Variants in PRDM2 observed in about 807,000 individuals in gnomAD.
PRDM2 encodes PR domain zinc finger protein 2.
PRDM2 carries 30 observed loss-of-function variants against 130.0 expected under a neutral mutation model. That is an observed-to-expected ratio of 0.23 (90% confidence interval 0.17 to 0.31). The LOEUF (loss-of-function observed/expected upper bound fraction) is 0.31, where lower values mean the gene tolerates loss of function less well. Ranked by LOEUF, PRDM2 falls within the 10% of genes least tolerant of loss-of-function variation. The pLI is 1.00. For synonymous variants in PRDM2, 871 were observed against 782.4 expected (o/e 1.11, Z -1.89); for missense variants, 2,011 against 2,108.4 (o/e 0.95, Z 0.90).
intron 9 of PRDM2, among the ~76,000 whole-genome samples, chr1:13,822,938 G>A (rs553803245): frequency 6.6e-6 from 1 of 152,320 alleles, no homozygotes; most frequent in South Asian, 2.1e-4. Context: ...TCACGGGTCA[G>A]GGGCTGATGG....
In PRDM2 at chr1:13,773,044, A is replaced by T. The variant is rs537350697; in HGVS notation, c.512-34A>T. On this transcript the variant is annotated intron_variant, in intron 6 of 9. Transcript: ENST00000311066. The stretch of plus-strand genomic sequence containing the variant: ...GAATGAATGAATAAATAAAAAAAAA[A>T]TGAATGAATAAATTAAAAAAAATTG... The T allele has an allele frequency of 2.1e-5, 26 of 1,216,238 alleles. No individual in the cohort carries two copies. In the South Asian group the frequency reaches 4.2e-4, roughly 20 times the overall value. The allele number at this position is 1,216,238 out of a possible 1,614,324, so 75.3% of individuals were successfully genotyped here.
chr1:13,751,828 T>G (rs1643852699), intron 6 of PRDM2, among the ~76,000 whole-genome samples: 1 of 152,204 alleles, frequency 6.6e-6, no homozygotes, highest in Non-Finnish European at 1.5e-5. Context: ...AGCTGTGCAT[T>G]GCATGTGGTG....
At chr1:13,722,768 C>T in intron 2 of PRDM2, 2 of 491,472 alleles carry the variant, frequency 4.1e-6, no homozygotes, top group Non-Finnish European at 8.1e-6. Context: ...ATTTTCTTTG[C>T]TTCTCTTGAA....
intron 7 of PRDM2, among the ~76,000 whole-genome samples, chr1:13,777,015 A>G (rs780607858): frequency 9.2e-5 from 14 of 152,172 alleles, no homozygotes; most frequent in Admixed American, 3.9e-4. Context: ...TTGGATGTCT[A>G]TAATCAGGTA....
intron 4 of PRDM2, among the ~76,000 whole-genome samples, chr1:13,736,329 G>T (rs918930558): frequency 3.3e-5 from 5 of 151,896 alleles, no homozygotes; most frequent in Admixed American, 6.6e-5. Flanking sequence ...GCCCAGGCTG[G>T]TCTTGAACTC....
At chr1:13,814,119 A>C (rs997890794) in intron 8 of PRDM2, among the ~76,000 whole-genome samples, 1 of 152,330 alleles carries the variant, frequency 6.6e-6, no homozygotes, top group East Asian at 1.9e-4. Flanking sequence ...AACAGGACAC[A>C]GGAGTCCATG....
rs552927762 is a variant in PRDM2 at position 13,726,399 on chromosome 1, T to C, written c.10-4601T>C. ...AGGTCAAAACTCGTGAATCAAAATC[T>C]GTCCAAGGTTTCTTGTCTCAGGGAG... On this transcript the variant is annotated intron_variant, in intron 2 of 9. Transcript: ENST00000311066. Among the ~76,000 whole-genome samples, 4 of 152,288 alleles carry C rather than the reference T, an allele frequency of 2.6e-5. No homozygotes were observed. In the South Asian group the frequency reaches 6.2e-4, roughly 24 times the overall value.
chr1:13,765,867 G>A lies in PRDM2; in HGVS notation c.512-7211G>A, dbSNP rs543748670. ...GATTGTAATTTTTAAAAATTTTATA[G>A]GAGTCATTTAACATGTACTTTATAC... On this transcript the variant is annotated intron_variant, in intron 6 of 9. Transcript: ENST00000311066. Among the ~76,000 whole-genome samples, 3 of 152,178 alleles carry A rather than the reference G, an allele frequency of 2.0e-5. No homozygotes were observed. In the East Asian group the frequency reaches 5.8e-4, roughly 29 times the overall value.
At chr1:13,749,184 G>C (rs1643714725) in intron 5 of PRDM2, among the ~76,000 whole-genome samples, 177 bp from the exon 6 acceptor site, 1 of 151,450 alleles carries the variant, frequency 6.6e-6, no homozygotes, top group Non-Finnish European at 1.5e-5. Context: ...AGAGGGTTCC[G>C]GGCGCCGGCG....
At chr1:13,711,904 A>T (rs545115240) in intron 1 of PRDM2, among the ~76,000 whole-genome samples, 9 of 152,294 alleles carry the variant, frequency 5.9e-5, no homozygotes, top group African/African-American at 2.2e-4. Flanking sequence ...CTGGAAAGAA[A>T]TAAGTGCATT....
chr1:13,758,745 T>C (rs1242210500), intron 6 of PRDM2, among the ~76,000 whole-genome samples: 1 of 152,236 alleles, frequency 6.6e-6, no homozygotes, highest in Non-Finnish European at 1.5e-5. Context: ...TCTGTGGCCA[T>C]GATCCTGAAA....
chr1:13,782,787 CAA>C lies in PRDM2; in HGVS notation c.4993_4994del (p.Lys1665GlufsTer36). 6.2e-7 allele frequency: 1 copy of C among 1,610,620 alleles called. No homozygotes were observed. Among genetic ancestry groups the C allele is most frequent in the Non-Finnish European group, 8.5e-7 (1 of 1,179,150 alleles). ...CAGCTGCTGCTGACTTGAGTGAGAA[CAA>C]GAGAGAGGACGGCAGCGCCAAGCAG... ...LAAAADLSEN[K>X]REDGSAKQEL... On this transcript the variant is annotated frameshift_variant, in exon 8 of 10. Coordinates refer to ENST00000311066, the MANE Select transcript of PRDM2 (RefSeq NM_001393986.1). LOFTEE classifies it high-confidence loss of function.
chr1:13,773,110 G>A lies in PRDM2; in HGVS notation c.544G>A (p.Gly182Arg). 1 of 1,558,886 alleles carries A rather than the reference G, an allele frequency of 6.4e-7. No homozygotes were observed. Among genetic ancestry groups the A allele is most frequent in the Non-Finnish European group, 8.6e-7 (1 of 1,157,978 alleles). ...KKKSQENKNKGNKIQDIQLKT... is the reference protein window; with the variant it reads ...KKKSQENKNKRNKIQDIQLKT... ...AAAATCCCAGGAAAATAAAAACAAA[G>A]GAAACAAAATCCAAGACATACAACT... The change falls in exon 7 of 10, where the codon GGA becomes AGA. Residue 182 changes from glycine (G) to arginine (R), a missense_variant. Physicochemically the swap from Gly to Arg is moderately radical, Grantham distance 125 (BLOSUM62 -2). Coordinates refer to ENST00000311066, the MANE Select transcript of PRDM2 (RefSeq NM_001393986.1).
At chr1:13,773,699 G>A (rs1644407967) in intron 7 of PRDM2, 1 of 152,164 alleles carries the variant, frequency 6.6e-6, no homozygotes, top group South Asian at 2.1e-4. Flanking sequence ...GGGTGACAGG[G>A]CGAGACTGTC....
chr1:13,728,097 TC>T (rs1642982764), intron 2 of PRDM2, among the ~76,000 whole-genome samples: 1 of 152,194 alleles, frequency 6.6e-6, no homozygotes, highest in Admixed American at 6.5e-5. Context: ...AGGAGATACT[TC>T]CTGATAGATG....
chr1:13,732,495 G>A (rs1465087834), intron 3 of PRDM2, among the ~76,000 whole-genome samples: 1 of 152,080 alleles, frequency 6.6e-6, no homozygotes, highest in African/African-American at 2.4e-5. Context: ...TGATCCTACT[G>A]TACGGGTAGT....
chr1:13,701,934 T>A (rs558576582), intron 1 of PRDM2, among the ~76,000 whole-genome samples: 1 of 152,268 alleles, frequency 6.6e-6, no homozygotes, highest in African/African-American at 2.4e-5. Context: ...TTCCTTATTT[T>A]GTGGACAGGG....
Position 13,803,601 on chromosome 1 carries a change from C to T in PRDM2, c.5037-12826C>T, listed in dbSNP as rs761200512. Among the ~76,000 whole-genome samples, 18 of 152,154 alleles carry T rather than the reference C, an allele frequency of 1.2e-4. No individual in the cohort carries two copies. Among genetic ancestry groups the T allele is most frequent in the East Asian group, 1.9e-4 (1 of 5,184 alleles). On this transcript the variant is annotated intron_variant, in intron 8 of 9. Transcript: ENST00000311066. The surrounding 1 kb of genome is among the most constrained non-coding windows in gnomAD (Gnocchi z 6.2). ...GAGCGAGTGCCTTGCTCGCTCTCCT[C>T]GGTTTCCTCGTCTGTAAGGGAAGGG...
chr1:13,746,094 A>G (rs1377901639), intron 5 of PRDM2, among the ~76,000 whole-genome samples: 1 of 152,160 alleles, frequency 6.6e-6, no homozygotes, highest in African/African-American at 2.4e-5. Flanking sequence ...TATTTTATAT[A>G]TGCTGATGTT....
Sources: allele counts gnomAD v4.1 joint callset (sites outside exome capture counted in the v4.1 genomes callset), GRCh38; gene constraint gnomAD v4.1.1; non-coding constraint Gnocchi (gnomAD v3.1); transcripts MANE v1.5; gene names NCBI Gene and HGNC (gene_info 2026-07-23, HGNC 2026-07-21).